Variants in MYT1L observed in about 807,000 individuals in gnomAD.
The protein encoded by MYT1L is myelin transcription factor 1-like protein.
Under a neutral mutation model 126.7 loss-of-function variants are expected in MYT1L, and 12 were observed. The ratio of observed to expected loss-of-function variants is 0.09; its 90% CI spans 0.06 to 0.15. The LOEUF (loss-of-function observed/expected upper bound fraction) is 0.15, where lower values mean the gene tolerates loss of function less well. Ranked by LOEUF, MYT1L falls within the 10% of genes least tolerant of loss-of-function variation. The pLI, the probability that MYT1L is intolerant of heterozygous loss-of-function variation, is 1.00. For synonymous variants in MYT1L, 541 were observed against 604.2 expected (o/e 0.90, Z 1.53); for missense variants, 979 against 1,585.2 (o/e 0.62, Z 6.49).
At chr2:2,066,798 G>T (rs970802719) in intron 3 of MYT1L, among the ~76,000 whole-genome samples, 1 of 152,260 alleles carries the variant, frequency 6.6e-6, no homozygotes, top group Admixed American at 6.5e-5. Flanking sequence ...AGCTCAGGAA[G>T]CCTTGGCAGT....
intron 13 of MYT1L, among the ~76,000 whole-genome samples, chr2:1,905,071 T>G (rs1223774877): frequency 2.0e-5 from 3 of 152,122 alleles, no homozygotes; most frequent in Non-Finnish European, 4.4e-5. Context: ...GTATTTTTAG[T>G]AGAGACAGGG....
chr2:2,262,973 T>C (rs1358104568), intron 2 of MYT1L, among the ~76,000 whole-genome samples: 1 of 117,152 alleles, frequency 8.5e-6, no homozygotes, highest in Non-Finnish European at 1.8e-5. Flanking sequence ...AATAAACATC[T>C]AGGTCTTCAT....
intron 3 of MYT1L, among the ~76,000 whole-genome samples, chr2:2,141,170 C>T (rs185636667): frequency 2.0e-5 from 3 of 152,242 alleles, no homozygotes; most frequent in Non-Finnish European, 4.4e-5. Context: ...AAATTGATAT[C>T]TTTTTATTCA....
intron 8 of MYT1L, among the ~76,000 whole-genome samples, chr2:1,965,510 C>T (rs1437085229): frequency 6.6e-6 from 1 of 152,252 alleles, no homozygotes; most frequent in Non-Finnish European, 1.5e-5. Flanking sequence ...CACTCTGTGA[C>T]TTGCAAAAGA....
intron 2 of MYT1L, among the ~76,000 whole-genome samples, chr2:2,221,457 A>G (rs1044013373): frequency 5.9e-5 from 9 of 152,192 alleles, no homozygotes; most frequent in African/African-American, 1.9e-4. Context: ...GGGGACTGGG[A>G]TATCTCAAAG....
intron 4 of MYT1L, among the ~76,000 whole-genome samples, chr2:2,008,419 G>A (rs1466154404): frequency 2.0e-5 from 3 of 152,194 alleles, no homozygotes; most frequent in Admixed American, 6.5e-5. Context: ...TTTATTTTGC[G>A]TTTCCCATTT....
chr2:1,864,541 G>T (rs1487845400), intron 18 of MYT1L, among the ~76,000 whole-genome samples: 1 of 152,212 alleles, frequency 6.6e-6, no homozygotes, highest in African/African-American at 2.4e-5. Flanking sequence ...GGGGAGAGCT[G>T]GCCCTGTCCC....
chr2:1,821,824 G>A (rs1415100059), intron 21 of MYT1L, among the ~76,000 whole-genome samples: 2 of 152,206 alleles, frequency 1.3e-5, no homozygotes, highest in African/African-American at 4.8e-5. Flanking sequence ...AGGCCTTGGG[G>A]CCTGTCCATC....
chr2:2,072,677 A>G (rs2074743234), intron 3 of MYT1L, among the ~76,000 whole-genome samples: 2 of 151,898 alleles, frequency 1.3e-5, no homozygotes, highest in Non-Finnish European at 2.9e-5. Flanking sequence ...CCTGGTAGGA[A>G]GTGGTGGATC....
At chr2:1,833,602 T>C (rs1411886962) in intron 21 of MYT1L, among the ~76,000 whole-genome samples, 1 of 152,200 alleles carries the variant, frequency 6.6e-6, no homozygotes, top group Non-Finnish European at 1.5e-5. Context: ...GATTGGCCTT[T>C]ACACCTGACC....
chr2:2,173,887 TAACA>T (rs1205770306), intron 2 of MYT1L, among the ~76,000 whole-genome samples: 2 of 152,170 alleles, frequency 1.3e-5, no homozygotes, highest in Non-Finnish European at 2.9e-5. Flanking sequence ...ATAAATCCTC[TAACA>T]GATACTGTAC....
intron 8 of MYT1L, among the ~76,000 whole-genome samples, chr2:1,964,623 A>G (rs2059201060): frequency 6.6e-6 from 1 of 152,348 alleles, no homozygotes; most frequent in African/African-American, 2.4e-5. Flanking sequence ...CTACTTAAAA[A>G]AAATCTTAAC....
intron 8 of MYT1L, among the ~76,000 whole-genome samples, chr2:1,957,456 T>A (rs2058588015): frequency 6.6e-6 from 1 of 151,196 alleles, no homozygotes; most frequent in Non-Finnish European, 1.5e-5. Context: ...TTCCCAAAGC[T>A]CATTAGATTG....
chr2:2,241,188 C>T (rs1256265597), intron 2 of MYT1L, among the ~76,000 whole-genome samples: 2 of 152,108 alleles, frequency 1.3e-5, no homozygotes, highest in African/African-American at 2.4e-5. Context: ...TATAACCGCA[C>T]GCTTCCTGCC....
chr2:2,004,478 C>A (rs2062915142), intron 4 of MYT1L, among the ~76,000 whole-genome samples: 1 of 147,794 alleles, frequency 6.8e-6, no homozygotes, highest in African/African-American at 2.5e-5. Context: ...TTCTTTCCTG[C>A]TTGCCTTCTT....
At chr2:2,284,860 T>C (rs4998343) in intron 1 of MYT1L, among the ~76,000 whole-genome samples, 119,874 of 151,790 alleles carry the variant, frequency 0.79, 49,741 homozygotes, top group Non-Finnish European at 0.95. Context: ...TGCACCACCA[T>C]GCCCAGCTGA....
At chr2:2,309,919 C>T (rs1002013366) in intron 1 of MYT1L, among the ~76,000 whole-genome samples, 4 of 151,982 alleles carry the variant, frequency 2.6e-5, no homozygotes, top group Admixed American at 2.6e-4. Context: ...CTTCAGTATA[C>T]TGTATCTATA....
chr2:1,943,402 A>G lies in MYT1L; in HGVS notation c.153-68T>C. On this transcript the variant is annotated intron_variant, in intron 8 of 24. Coordinates refer to ENST00000647738, the MANE Select transcript of MYT1L (RefSeq NM_001303052.2). This position sits in a 1 kb window ranked among gnomAD's most constrained non-coding sequence, Gnocchi z 4.4. ...AATATCTGTGTTACTGTCTTTTAAAATCAGACCAATGGGGGCCTTGATCAA... is the reference window on the plus strand; with the variant it reads ...AATATCTGTGTTACTGTCTTTTAAAGTCAGACCAATGGGGGCCTTGATCAA... 6.9e-7 allele frequency: 1 copy of G among 1,450,132 alleles called. No individual in the cohort carries two copies. Among genetic ancestry groups the G allele is most frequent in the African/African-American group, 1.4e-5 (1 of 70,026 alleles). The allele number at this position is 1,450,132 out of a possible 1,614,324, so 89.8% of individuals were successfully genotyped here.
intron 3 of MYT1L, among the ~76,000 whole-genome samples, chr2:2,150,828 GA>G (rs767496918): frequency 2.9e-4 from 43 of 146,200 alleles, no homozygotes; most frequent in Admixed American, 6.9e-4. Context: ...GAGTGAAGAG[GA>G]AAGGAAGGGA....
Sources: gnomAD v4.1 joint callset for allele counts (sites outside exome capture counted in the v4.1 genomes callset) on GRCh38, gnomAD v4.1.1 for gene constraint, Gnocchi (gnomAD v3.1) non-coding constraint, MANE v1.5 for transcripts, NCBI Gene and HGNC (gene_info 2026-07-23, HGNC 2026-07-21) for gene names.